Variants in AGBL1 observed in about 807,000 individuals in gnomAD.
The protein encoded by AGBL1 is cytosolic carboxypeptidase 4.
In AGBL1, 130 loss-of-function variants were observed where a neutral mutation model predicts 118.9. That is an observed-to-expected ratio of 1.09 (90% CI 0.95 to 1.26). AGBL1 has a LOEUF of 1.26. Among genes scored for constraint, AGBL1 ranks in the 50% most tolerant of loss-of-function variants. The pLI is 0.00. For synonymous variants in AGBL1, 555 were observed against 478.9 expected, an observed-to-expected ratio of 1.16 and a Z score of -2.08; for missense variants, 1,584 against 1,298.1, an observed-to-expected ratio of 1.22 and a Z score of -3.38.
chr15:86,479,333 T>C (rs940510210), intron 18 of AGBL1, among the ~76,000 whole-genome samples: 13 of 152,196 alleles, frequency 8.5e-5, no homozygotes, highest in Non-Finnish European at 1.5e-4. Context: ...AATCTACTCA[T>C]CTGACAAAGG....
chr15:86,159,139 T>C lies in AGBL1; in HGVS notation c.488+113T>C. The C allele has an allele frequency of 3.2e-6, 3 of 949,996 alleles. No homozygotes were observed. In the South Asian group the frequency reaches 4.1e-5, roughly 13 times the overall value. 58.8% of individuals were successfully genotyped at this position (949,996 alleles called of 1,614,324 possible). On this transcript the variant is annotated intron_variant, in intron 5 of 22. Transcript: ENST00000614907. ...GCTCAGTTTAGTGGTCATTTCTCCT[T>C]TGGAAATATGGTACCATGTCTTTAT... is the stretch of plus-strand genomic sequence containing the variant.
chr15:86,726,952 G>A (rs559442892), intron 22 of AGBL1, among the ~76,000 whole-genome samples: 17 of 152,078 alleles, frequency 1.1e-4, no homozygotes, highest in African/African-American at 3.6e-4. Flanking sequence ...CGTTTTCCTC[G>A]TTGGTCAGAT....
In AGBL1 at chr15:86,286,735, G is replaced by GTGTGTATATATATATATATATATATA; in HGVS notation, c.2220+6953_2220+6954insGTGTATATATATATATATATATATAT. 2.6e-3 allele frequency among the ~76,000 whole-genome samples: 275 copies of GTGTGTATATATATATATATATATATA among 106,274 alleles called. 15 individuals carry two copies. Among genetic ancestry groups the GTGTGTATATATATATATATATATATA allele is most frequent in the African/African-American group, 0.01 (264 of 25,750 alleles). 69.7% of individuals were successfully genotyped at this position (106,274 alleles called of 152,430 possible). ...TATATGTGTGTGTGTGTTTGTGTGTGTATATATATATATAAAACTCCATCA... is the reference window on the plus strand; with the variant it reads ...TATATGTGTGTGTGTGTTTGTGTGTGTGTGTATATATATATATATATATATATATATATATATATAAAACTCCATCA... On this transcript the variant is annotated intron_variant, in intron 16 of 22. Coordinates refer to ENST00000614907, the MANE Select transcript of AGBL1 (RefSeq NM_001386094.1).
chr15:86,328,459 A>AT (rs2080221162), intron 17 of AGBL1, among the ~76,000 whole-genome samples: 1 of 152,106 alleles, frequency 6.6e-6, no homozygotes, highest in African/African-American at 2.4e-5. Context: ...ACGGTTTTTA[A>AT]TTTTTTTTCC....
chr15:86,385,865 C>T (rs2081176064), intron 17 of AGBL1, among the ~76,000 whole-genome samples: 1 of 151,936 alleles, frequency 6.6e-6, no homozygotes, highest in Non-Finnish European at 1.5e-5. Context: ...ATGTTAGGAT[C>T]CTAACTGGTT....
chr15:86,395,377 G>T (rs928537133), intron 17 of AGBL1, among the ~76,000 whole-genome samples: 1 of 151,852 alleles, frequency 6.6e-6, no homozygotes, highest in African/African-American at 2.4e-5. Context: ...TACTTATTTT[G>T]CAAGCTCCAA....
chr15:86,129,162 C>T (rs1396262054), intron 1 of AGBL1, among the ~76,000 whole-genome samples: 1 of 152,176 alleles, frequency 6.6e-6, no homozygotes, highest in Non-Finnish European at 1.5e-5. Context: ...ATCAAAGCCA[C>T]ACCCTCAATT....
At chr15:86,176,014 A>T (rs2077476680) in intron 5 of AGBL1, among the ~76,000 whole-genome samples, 1 of 152,228 alleles carries the variant, frequency 6.6e-6, no homozygotes, top group South Asian at 2.1e-4. Flanking sequence ...TCTCAGGTGC[A>T]GTCTAAATCC....
intron 22 of AGBL1, among the ~76,000 whole-genome samples, chr15:86,698,893 A>T (rs889608299): frequency 2.0e-5 from 3 of 151,950 alleles, no homozygotes; most frequent in Non-Finnish European, 4.4e-5. Context: ...ATAAAGATTT[A>T]TTCAACGTTT....
At chr15:86,774,085 A>C (rs377598087) in intron 22 of AGBL1, among the ~76,000 whole-genome samples, 14 of 152,062 alleles carry the variant, frequency 9.2e-5, no homozygotes, top group African/African-American at 3.1e-4. Context: ...ACAGTAACCA[A>C]GACCATCTGC....
chr15:86,783,566 C>A (rs116325011), intron 22 of AGBL1, among the ~76,000 whole-genome samples: 1 of 152,158 alleles, frequency 6.6e-6, no homozygotes, highest in Non-Finnish European at 1.5e-5. Flanking sequence ...GCTTTCTTTG[C>A]ATCACTATTT....
chr15:86,824,620 G>C (rs1027619721), intron 22 of AGBL1, among the ~76,000 whole-genome samples: 6 of 151,768 alleles, frequency 4.0e-5, no homozygotes, highest in African/African-American at 1.5e-4. Flanking sequence ...ATATCCTAGA[G>C]TAGCTAAAAC....
At chr15:86,407,593 T>G (rs531956042) in intron 18 of AGBL1, among the ~76,000 whole-genome samples, 1 of 152,274 alleles carries the variant, frequency 6.6e-6, no homozygotes, top group South Asian at 2.1e-4. Context: ...GATAGGAAGG[T>G]AAAGTTTGTG....
At chr15:86,890,124 G>C (rs1278179175) in intron 22 of AGBL1, among the ~76,000 whole-genome samples, 1 of 152,162 alleles carries the variant, frequency 6.6e-6, no homozygotes, top group Non-Finnish European at 1.5e-5. Context: ...CTGTGGTTTT[G>C]ATTTGTATTT....
chr15:86,733,397 C>T (rs896582144), intron 22 of AGBL1, among the ~76,000 whole-genome samples: 7 of 152,252 alleles, frequency 4.6e-5, no homozygotes, highest in Middle Eastern at 3.4e-3. Context: ...TTTACTCAGT[C>T]TAATCATTCA....
intron 1 of AGBL1, among the ~76,000 whole-genome samples, chr15:86,081,527 C>G (rs1276091416): frequency 1.3e-5 from 2 of 152,226 alleles, no homozygotes; most frequent in African/African-American, 2.4e-5. Context: ...TTGACTCATT[C>G]TATCTGATTC....
chr15:86,859,653 G>A (rs1338921275), intron 22 of AGBL1, among the ~76,000 whole-genome samples: 1 of 152,186 alleles, frequency 6.6e-6, no homozygotes, highest in East Asian at 1.9e-4. Context: ...CTTGTCACGA[G>A]AGGCTTGACC....
intron 17 of AGBL1, among the ~76,000 whole-genome samples, chr15:86,315,340 G>A (rs1388748276): frequency 6.6e-6 from 1 of 152,030 alleles, no homozygotes; most frequent in Non-Finnish European, 1.5e-5. Context: ...ATTGACTGTT[G>A]GGCAACCTAG....
At chr15:86,455,010 G>T (rs960491224) in intron 18 of AGBL1, among the ~76,000 whole-genome samples, 8 of 152,152 alleles carry the variant, frequency 5.3e-5, no homozygotes. Context: ...GCCTCCCTAA[G>T]ACACTGCTGA....
Sources: gnomAD v4.1 joint callset for allele counts (sites outside exome capture counted in the v4.1 genomes callset) on GRCh38, gnomAD v4.1.1 for gene constraint, MANE v1.5 for transcripts, NCBI Gene and HGNC (gene_info 2026-07-23, HGNC 2026-07-21) for gene names.